Variants in CTCF observed in about 807,000 individuals in gnomAD.
The protein encoded by CTCF is CCCTC-binding factor.
In CTCF, 7 loss-of-function variants were observed where a neutral mutation model predicts 72.3. The ratio of observed to expected loss-of-function variants is 0.10; its 90% CI spans 0.06 to 0.18. The LOEUF is 0.18. Among genes scored for constraint, CTCF ranks in the 10% least tolerant of loss-of-function variants. The pLI is 1.00. For missense variants in CTCF, 516 were observed against 949.1 expected (o/e 0.54, Z 6.00); for synonymous variants, 374 against 315.8 (o/e 1.18, Z -1.95).
At chr16:67,572,352 A>T (rs377519162) in intron 2 of CTCF, 1 of 152,208 alleles carries the variant, frequency 6.6e-6, no homozygotes, top group Non-Finnish European at 1.5e-5. Flanking sequence ...TGATTTAAAA[A>T]CTATTGAGAA....
intron 8 of CTCF, 159 bp downstream of exon 8, chr16:67,626,874 T>C: frequency 2.2e-6 from 1 of 447,810 alleles, no homozygotes; most frequent in Non-Finnish European, 3.7e-6. Context: ...TCCTTGTCAA[T>C]TGTGTCATCC....
rs2052334460 is a variant in CTCF, at chr16:67,629,522, C to T, written c.1826C>T (p.Ser609Phe). The change falls in exon 10 of 12, where the codon TCC becomes TTC. Residue 609 changes from serine (S) to phenylalanine (F), a missense_variant. Physicochemically the swap from Ser to Phe is radical, Grantham distance 155. Transcript: ENST00000264010. ...AAGATGCGCTCTAAGAAAGAAGATT[C>T]CTCTGACAGTGGTAAGTGACTTGTT... ...KRKMRSKKED[S>F]SDSENAEPDL... The T allele has an allele frequency of 6.2e-7, 1 of 1,612,618 alleles. No individual in the cohort carries two copies. Among genetic ancestry groups the T allele is most frequent in the Non-Finnish European group, 8.5e-7 (1 of 1,179,604 alleles).
intron 5 of CTCF, 49 bp from the exon 6 acceptor site, chr16:67,620,648 T>C: frequency 6.8e-7 from 1 of 1,468,496 alleles, no homozygotes; most frequent in South Asian, 1.4e-5. Flanking sequence ...GTGCTCTTGT[T>C]ACAGTCTGTG....
At chr16:67,588,384 A>T (rs553688083) in intron 2 of CTCF, among the ~76,000 whole-genome samples, 1 of 152,260 alleles carries the variant, frequency 6.6e-6, no homozygotes, top group South Asian at 2.1e-4. Flanking sequence ...GGCTGCTCCA[A>T]AGACGGTCTA....
chr16:67,618,986 G>A (rs2052167598), intron 5 of CTCF, among the ~76,000 whole-genome samples: 1 of 152,240 alleles, frequency 6.6e-6, no homozygotes, highest in African/African-American at 2.4e-5. Flanking sequence ...TGAAGCCAGT[G>A]TGATATTGCA....
At chr16:67,621,394 A>G in intron 6 of CTCF, 48 bp from the exon 7 acceptor site, 2 of 1,367,020 alleles carry the variant, frequency 1.5e-6, no homozygotes, top group Non-Finnish European at 1.0e-6. Flanking sequence ...GTTAAATTAC[A>G]GTATTTATTC....
Position 67,577,285 on chromosome 16 carries a change from C to T in CTCF, c.-10+6021C>T, listed in dbSNP as rs1384017265. ...TACAAAAATTAGCCAGGCATGGTGGCGGGCGCCTGTAGTCCCAGCTACTTG... is the reference window on the plus strand; with the variant it reads ...TACAAAAATTAGCCAGGCATGGTGGTGGGCGCCTGTAGTCCCAGCTACTTG... On this transcript the variant is annotated intron_variant, in intron 2 of 11. Transcript: ENST00000264010. Among the ~76,000 whole-genome samples, 34 of 139,552 alleles carry T rather than the reference C, an allele frequency of 2.4e-4. 1 individual carries two copies. The highest frequency in any genetic ancestry group is 2.0e-3 in the Admixed American group (27 of 13,354). The allele number at this position is 139,552 out of a possible 152,430, so 91.6% of individuals were successfully genotyped here.
At chr16:67,621,690 A>C (rs1473552241) in intron 7 of CTCF, 99 bp downstream of exon 7, 6 of 874,064 alleles carry the variant, frequency 6.9e-6, no homozygotes, top group African/African-American at 1.7e-5. Flanking sequence ...GACTCTCATA[A>C]CATTTTATGT....
intron 2 of CTCF, among the ~76,000 whole-genome samples, chr16:67,597,295 C>CA (rs2051827815): frequency 6.6e-6 from 1 of 151,924 alleles, no homozygotes; most frequent in African/African-American, 2.4e-5. Flanking sequence ...CTTGGCCTCT[C>CA]AGTGTTTGAA....
Position 67,637,972 on chromosome 16 carries a change from G to C in CTCF, c.*100G>C. The C allele has an allele frequency of 8.8e-7, 1 of 1,135,178 alleles. No individual in the cohort carries two copies. Among genetic ancestry groups the C allele is most frequent in the South Asian group, 1.8e-5 (1 of 55,594 alleles). The allele number at this position is 1,135,178 out of a possible 1,614,324, so 70.3% of individuals were successfully genotyped here. A position where few individuals can be genotyped will look rare whatever the true frequency, so the allele number is the denominator to read the frequency against. ...CTTTCTTTTTTTGGCTTTGGGAAAA[G>C]CATCATTTTACCAAACATACCGAGA... is the stretch of plus-strand genomic sequence containing the variant. On this transcript the variant is annotated 3_prime_UTR_variant, in exon 12 of 12. Coordinates refer to ENST00000264010, the MANE Select transcript of CTCF (RefSeq NM_006565.4).
chr16:67,619,081 AGAATT>A (rs2052168783), intron 5 of CTCF, among the ~76,000 whole-genome samples: 1 of 152,234 alleles, frequency 6.6e-6, no homozygotes, highest in Non-Finnish European at 1.5e-5. Context: ...TTGAAGGAAA[AGAATT>A]AGTAACGCTG....
At chr16:67,628,225 A>G in intron 8 of CTCF, 145 bp from the exon 9 acceptor site, 1 of 682,662 alleles carries the variant, frequency 1.5e-6, no homozygotes, top group Non-Finnish European at 2.5e-6. Flanking sequence ...GTCTCTAAAT[A>G]TATAGCTTTA....
chr16:67,632,115 G>A lies in CTCF; in HGVS notation c.1837+2582G>A, dbSNP rs187524282. Reference sequence around the variant, plus strand: ...GGGAAAAAAATTATTGCACTGAACTGTTGGGGGTTTTCAGAAATGTTAGGA... The same window carrying A: ...GGGAAAAAAATTATTGCACTGAACTATTGGGGGTTTTCAGAAATGTTAGGA... On this transcript the variant is annotated intron_variant, in intron 10 of 11. Coordinates refer to ENST00000264010, the MANE Select transcript of CTCF (RefSeq NM_006565.4). 2.2e-3 allele frequency among the ~76,000 whole-genome samples: 335 copies of A among 150,948 alleles called. 2 individuals are homozygous for A. Among genetic ancestry groups the A allele is most frequent in the Non-Finnish European group, 4.2e-3 (286 of 67,748 alleles).
intron 2 of CTCF, among the ~76,000 whole-genome samples, chr16:67,582,983 CTTT>C (rs550423023): frequency 4.4e-5 from 6 of 135,992 alleles, no homozygotes; most frequent in Non-Finnish European, 4.8e-5. Flanking sequence ...TCTTATTTTT[CTTT>C]TTTTTTTTTT....
In CTCF at chr16:67,621,455, T is replaced by C. The variant is rs557757872; in HGVS notation, c.1221T>C (p.Tyr407=). Residue 407 remains tyrosine (Y), a synonymous_variant, in exon 7 of 12, where the codon TAT becomes TAC. Transcript: ENST00000264010. The part of the protein sequence containing the change: ...HMRTHSGEKP[Y]ECYICHARFT... ...TTTTCTTTAAAGGGGAAAAGCCTTA[T>C]GAATGTTATATTTGTCATGCTCGGT... is the stretch of plus-strand genomic sequence containing the variant. 37 of 1,600,374 alleles carry C rather than the reference T, an allele frequency of 2.3e-5. No individual in the cohort carries two copies. Among genetic ancestry groups the C allele is most frequent in the East Asian group, 1.6e-4 (7 of 44,618 alleles).
At position 67,616,804 on chromosome 16, in the gene CTCF, G is replaced by T. The variant is rs1555534827; in HGVS notation, c.1012G>T (p.Val338Phe). 6.2e-7 allele frequency: 1 copy of T among 1,614,086 alleles called. No individual in the cohort carries two copies. The highest frequency in any genetic ancestry group is 1.7e-5 in the Admixed American group (1 of 59,988). Residue 338 changes from valine to phenylalanine, a missense_variant, in exon 5 of 12, where the codon GTT becomes TTT. Physicochemically the swap from Val to Phe is conservative, Grantham distance 50 (BLOSUM62 -1). Coordinates refer to ENST00000264010, the MANE Select transcript of CTCF (RefSeq NM_006565.4). ...DMAFVTSGEL[V>F]RHRRYKHTHE... ...GGCCTTTGTGACCAGTGGAGAATTG[G>T]TTCGGCATCGTCGTTACAAACACAC...
intron 2 of CTCF, among the ~76,000 whole-genome samples, chr16:67,591,884 T>G (rs2051748964): frequency 6.6e-6 from 1 of 152,046 alleles, no homozygotes; most frequent in Non-Finnish European, 1.5e-5. Context: ...AATTTTTTTT[T>G]TAATTTTTAA....
At chr16:67,597,596 C>T (rs565479786) in intron 2 of CTCF, among the ~76,000 whole-genome samples, 137 of 152,306 alleles carry the variant, frequency 9.0e-4, no homozygotes, top group Non-Finnish European at 1.5e-3. Context: ...CTTGGCCTCC[C>T]GAAGTGCTGA....
At chr16:67,614,346 CAAA>C (rs1216599508) in intron 4 of CTCF, 8 of 39,566 alleles carry the variant, frequency 2.0e-4, no homozygotes, top group East Asian at 8.1e-4. Flanking sequence ...GACTCCATCT[CAAA>C]AAAAAAAAAA....
Sources: allele counts gnomAD v4.1 joint callset (sites outside exome capture counted in the v4.1 genomes callset), GRCh38; gene constraint gnomAD v4.1.1; transcripts MANE v1.5; gene names NCBI Gene and HGNC (gene_info 2026-07-23, HGNC 2026-07-21).